The following FRYL variants were observed in gnomAD, a reference collection of about 807,000 sequenced individuals.
The protein encoded by FRYL is protein furry homolog-like.
In FRYL, 150 loss-of-function variants were observed where a neutral mutation model predicts 351.2. The ratio of observed to expected loss-of-function variants is 0.43; its 90% confidence interval spans 0.37 to 0.49. The LOEUF is 0.49. FRYL is among the 20% of genes least tolerant of loss of function. The pLI is 0.00. For missense variants in FRYL, 3,036 were observed against 3,619.3 expected (o/e 0.84, Z 4.13); for synonymous variants, 1,153 against 1,257.1 (o/e 0.92, Z 1.75).
chr4:48,599,547 T>C (rs1229469559), intron 13 of FRYL, among the ~76,000 whole-genome samples: 1 of 152,202 alleles, frequency 6.6e-6, no homozygotes, highest in Non-Finnish European at 1.5e-5. Flanking sequence ...CTTTTTAATA[T>C]CCTCAAATTA....
At chr4:48,613,261 T>C (rs1246808167) in intron 7 of FRYL, among the ~76,000 whole-genome samples, 1 of 152,192 alleles carries the variant, frequency 6.6e-6, no homozygotes, top group Non-Finnish European at 1.5e-5. Flanking sequence ...GTGTATAATT[T>C]TCCACTTGTA....
chr4:48,587,688 C>T (rs560925911), intron 18 of FRYL, among the ~76,000 whole-genome samples: 11 of 152,032 alleles, frequency 7.2e-5, no homozygotes, highest in South Asian at 4.2e-4. Flanking sequence ...GGATTACAGG[C>T]GCCTGCCACC....
At chr4:48,499,914 T>G in intron 63 of FRYL, 116 bp downstream of exon 63, 2 of 835,922 alleles carry the variant, frequency 2.4e-6, no homozygotes, top group Non-Finnish European at 3.7e-6. Context: ...AAAATACTCA[T>G]GTTTTTCTTT....
chr4:48,704,269 GGAAAAA>G (rs950831050), intron 2 of FRYL, among the ~76,000 whole-genome samples: 2 of 151,784 alleles, frequency 1.3e-5, no homozygotes, highest in African/African-American at 4.8e-5. Flanking sequence ...ATGGACAGTT[GGAAAAA>G]GAAAAAGAAA....
At chr4:48,705,188 C>T (rs1767186636) in intron 2 of FRYL, among the ~76,000 whole-genome samples, 3 of 151,848 alleles carry the variant, frequency 2.0e-5, no homozygotes, top group Admixed American at 2.0e-4. Flanking sequence ...GAACCTGCCC[C>T]AAACACAGTG....
Position 48,590,779 on chromosome 4 carries a change from GC to G in FRYL, c.1386del (p.Gln462HisfsTer24). 1 of 1,613,752 alleles carries G rather than the reference GC, an allele frequency of 6.2e-7. No homozygotes were observed. The highest frequency in any genetic ancestry group is 8.5e-7 in the Non-Finnish European group (1 of 1,179,808). ...RVFLVIADSL[Q>X]QKDGEPPMPT... ...GGCATGGGTGGTTCACCATCTTTCT[GC>G]TGCAAACTGTCTGCTATTACAAGGA... On this transcript the variant is annotated frameshift_variant, in exon 17 of 64. Coordinates refer to ENST00000358350, the MANE Select transcript of FRYL (RefSeq NM_015030.2). LOFTEE classifies it high-confidence loss of function.
chr4:48,569,206 T>C (rs1236991302), intron 27 of FRYL, among the ~76,000 whole-genome samples: 1 of 152,238 alleles, frequency 6.6e-6, no homozygotes, highest in Non-Finnish European at 1.5e-5. Flanking sequence ...TGTATCAGGT[T>C]GTTAATTTTT....
intron 4 of FRYL, among the ~76,000 whole-genome samples, chr4:48,627,007 A>G (rs1751971240): frequency 6.6e-6 from 1 of 152,114 alleles, no homozygotes; most frequent in Non-Finnish European, 1.5e-5. Flanking sequence ...TTGTAGGACA[A>G]GACATTTATC....
chr4:48,625,191 T>G (rs1282862214), intron 4 of FRYL, among the ~76,000 whole-genome samples: 2 of 152,190 alleles, frequency 1.3e-5, no homozygotes, highest in African/African-American at 4.8e-5. Flanking sequence ...CACACCCTAT[T>G]GGTTCCATTT....
chr4:48,702,967 G>C (rs1766931402), intron 2 of FRYL, among the ~76,000 whole-genome samples: 1 of 152,068 alleles, frequency 6.6e-6, no homozygotes, highest in South Asian at 2.1e-4. Flanking sequence ...GTGGAGAAGA[G>C]AGGTACAGAT....
chr4:48,776,980 C>T lies in FRYL; in HGVS notation c.-384+3098G>A, dbSNP rs527695298. ...TACCCACTGTCCTTTTCCTAAGAAT[C>T]GTAATTTTGCATCTTCTCATTAAAC... On this transcript the variant is annotated intron_variant, in intron 1 of 63. Coordinates refer to ENST00000358350, the MANE Select transcript of FRYL (RefSeq NM_015030.2). 5.9e-5 allele frequency among the ~76,000 whole-genome samples: 9 copies of T among 152,166 alleles called. No homozygotes were observed. The South Asian group carries it at 1.5e-3, about 25-fold the overall frequency.
chr4:48,510,604 T>C (rs961503693), intron 58 of FRYL, among the ~76,000 whole-genome samples: 1 of 152,154 alleles, frequency 6.6e-6, no homozygotes, highest in African/African-American at 2.4e-5. Flanking sequence ...GACTTTTTAG[T>C]TTTCCCATCT....
At chr4:48,739,421 A>T (rs4694902) in intron 1 of FRYL, among the ~76,000 whole-genome samples, 56,693 of 116,552 alleles carry the variant, frequency 0.49, 19,633 homozygotes, top group African/African-American at 0.68. Context: ...AAAAAAAAAA[A>T]CAACTAATCT....
In FRYL at chr4:48,548,942, G is replaced by A. The variant is rs1007203216; in HGVS notation, c.4785-149C>T. ...AAAAGGAGGAAAAACAAATACAGCT[G>A]AAGAAAACGTTAACCATTAAGTTAA... On this transcript the variant is annotated intron_variant, in intron 39 of 63. Coordinates refer to ENST00000358350, the MANE Select transcript of FRYL (RefSeq NM_015030.2). 6 of 574,394 alleles carry A rather than the reference G, an allele frequency of 1.0e-5. No homozygotes were observed. The African/African-American group carries it at 1.1e-4, about 11-fold the overall frequency. The allele number at this position is 574,394 out of a possible 1,614,324, so 35.6% of individuals were successfully genotyped here.
intron 54 of FRYL, among the ~76,000 whole-genome samples, chr4:48,521,533 G>A (rs1724903172): frequency 6.6e-6 from 1 of 152,222 alleles, no homozygotes; most frequent in South Asian, 2.1e-4. Flanking sequence ...ATTCATGGAG[G>A]ACGAAGATTT....
At chr4:48,531,604 A>G (rs939729951) in intron 49 of FRYL, among the ~76,000 whole-genome samples, 3 of 152,318 alleles carry the variant, frequency 2.0e-5, no homozygotes, top group South Asian at 4.1e-4. Flanking sequence ...TTTTCTCCCA[A>G]TAAGTGCTTT....
In FRYL at chr4:48,609,934, T is replaced by C. The variant is rs1747717419; in HGVS notation, c.412-111A>G. On this transcript the variant is annotated intron_variant, in intron 7 of 63. Coordinates refer to ENST00000358350, the MANE Select transcript of FRYL (RefSeq NM_015030.2). ...ATCAATCTTAATGTTCATGGGATTA[T>C]TACTAATCTGTCAATCTTCCTTTTT... is the stretch of plus-strand genomic sequence containing the variant. 7 of 496,060 alleles carry C rather than the reference T, an allele frequency of 1.4e-5. No individual in the cohort carries two copies. In the South Asian group the frequency reaches 3.1e-4, roughly 22 times the overall value. 30.7% of individuals were successfully genotyped at this position (496,060 alleles called of 1,614,324 possible). A position where few individuals can be genotyped will look rare whatever the true frequency, so the allele number is the denominator to read the frequency against.
At chr4:48,605,595 T>C (rs1481881332) in intron 11 of FRYL, 146 bp downstream of exon 11, 6 of 622,240 alleles carry the variant, frequency 9.6e-6, no homozygotes, top group African/African-American at 1.9e-5. Context: ...AAGAGACCTC[T>C]GAGCAACAGG....
chr4:48,552,244 GGTGTGTGTGTGTGTGTGT>G (rs67155390), intron 36 of FRYL, among the ~76,000 whole-genome samples: 1 of 145,244 alleles, frequency 6.9e-6, no homozygotes, highest in Non-Finnish European at 1.5e-5. Context: ...AGTCCAAAGG[GGTGTGTGTGTGTGTGTGT>G]GTGTGTGTGT....
Sources: allele counts gnomAD v4.1 joint callset (sites outside exome capture counted in the v4.1 genomes callset), GRCh38; gene constraint gnomAD v4.1.1; transcripts MANE v1.5; gene names NCBI Gene and HGNC (gene_info 2026-07-23, HGNC 2026-07-21).